The following SCUBE2 variants were observed in gnomAD, a reference collection of about 807,000 sequenced individuals.
The protein encoded by SCUBE2 is signal peptide, CUB domain and EGF like domain containing 2, also known as signal peptide, CUB and EGF-like domain-containing protein 2.
SCUBE2 carries 114 observed loss-of-function variants against 125.9 expected under a neutral mutation model. The ratio of observed to expected loss-of-function variants is 0.91; its 90% CI spans 0.78 to 1.06. The LOEUF is 1.06. Among genes scored for constraint, SCUBE2 ranks in the 50% least tolerant of loss-of-function variants. SCUBE2 has a pLI of 0.00. For missense variants in SCUBE2, 1,255 were observed against 1,301.8 expected (o/e 0.96, Z 0.55); for synonymous variants, 459 against 492.9 (o/e 0.93, Z 0.91).
intron 9 of SCUBE2, among the ~76,000 whole-genome samples, chr11:9,056,504 A>T (rs1300165826): frequency 6.6e-6 from 1 of 152,190 alleles, no homozygotes; most frequent in Non-Finnish European, 1.5e-5. Flanking sequence ...GCAGGCCCTG[A>T]AATGTGGTAG....
chr11:9,048,155 C>T (rs1857993219), intron 14 of SCUBE2, 57 bp from the exon 15 acceptor site: 2 of 1,539,648 alleles, frequency 1.3e-6, no homozygotes, highest in African/African-American at 1.4e-5. Flanking sequence ...CTCAGCTGAA[C>T]ATTTGCTAGA....
In SCUBE2 at chr11:9,025,766, A is replaced by G. The variant is rs1855684182; in HGVS notation, c.2790T>C (p.Ile930=). Residue 930 remains isoleucine (I), a synonymous_variant, in exon 21 of 23, where the codon ATT becomes ATC. Transcript: ENST00000649792. The part of the protein sequence containing the change: ...AFTSRSKKLW[I]QFKSNEGNSA... Reference sequence around the variant, plus strand: ...TGTTCCCTTCATTGGACTTGAACTGAATCCACAGCTTCTTTGACCTGGAGG... The same window carrying G: ...TGTTCCCTTCATTGGACTTGAACTGGATCCACAGCTTCTTTGACCTGGAGG... 6.2e-7 allele frequency: 1 copy of G among 1,614,062 alleles called. No individual in the cohort carries two copies. The highest frequency in any genetic ancestry group is 1.3e-5 in the African/African-American group (1 of 74,924).
intron 2 of SCUBE2, among the ~76,000 whole-genome samples, chr11:9,082,720 C>T (rs184564880): frequency 2.2e-4 from 34 of 152,306 alleles, no homozygotes; most frequent in Non-Finnish European, 3.8e-4. Context: ...GAATCCAACA[C>T]AAAAGACCGC....
intron 13 of SCUBE2, 98 bp downstream of exon 13, chr11:9,052,648 G>A: frequency 1.1e-6 from 1 of 908,872 alleles, no homozygotes; most frequent in Non-Finnish European, 1.6e-6. Flanking sequence ...GAAATTAACA[G>A]AAAAAAAACA....
intron 16 of SCUBE2, among the ~76,000 whole-genome samples, chr11:9,037,699 A>G (rs968272112): frequency 4.6e-5 from 7 of 152,350 alleles, no homozygotes; most frequent in Non-Finnish European, 1.0e-4. Flanking sequence ...CTCTCTTTAA[A>G]TGACTGCCCC....
intron 15 of SCUBE2, 22 bp from the exon 16 acceptor site, chr11:9,047,584 C>T (rs1171395247): frequency 6.2e-7 from 1 of 1,610,618 alleles, no homozygotes; most frequent in Admixed American, 1.7e-5. Context: ...AGAGGGACAG[C>T]AGTGCGGGAG....
chr11:9,077,014 C>T (rs1861266715), intron 3 of SCUBE2, among the ~76,000 whole-genome samples: 1 of 152,202 alleles, frequency 6.6e-6, no homozygotes, highest in Non-Finnish European at 1.5e-5. Flanking sequence ...TACCACACCC[C>T]CACCCCACGT....
intron 7 of SCUBE2, chr11:9,065,165 A>G (rs1049992621): frequency 2.6e-5 from 4 of 152,102 alleles, no homozygotes; most frequent in African/African-American, 9.7e-5. Context: ...CCATATTATT[A>G]TCTTAATTGA....
intron 7 of SCUBE2, 85 bp from the exon 8 acceptor site, chr11:9,060,609 G>A (rs768608504): frequency 7.4e-5 from 83 of 1,122,300 alleles, no homozygotes; most frequent in Non-Finnish European, 1.0e-4. Flanking sequence ...AAGAAGCATG[G>A]TGGGGTACTC....
chr11:9,041,179 A>G (rs758852159), intron 16 of SCUBE2, among the ~76,000 whole-genome samples: 1 of 152,246 alleles, frequency 6.6e-6, no homozygotes, highest in Non-Finnish European at 1.5e-5. Flanking sequence ...TTTGTGATGA[A>G]CATAGTGTAC....
chr11:9,027,310 G>A (rs1338346774), intron 20 of SCUBE2, 54 bp downstream of exon 20: 1 of 1,568,628 alleles, frequency 6.4e-7, no homozygotes, highest in Non-Finnish European at 8.7e-7. Flanking sequence ...CTGAGGAGCA[G>A]GTCATCAGGC....
In SCUBE2 at chr11:9,068,957, C is replaced by T. The variant is rs530938331; in HGVS notation, c.643+413G>A. The stretch of plus-strand genomic sequence containing the variant: ...GGAGGGCTTGGGAAAGGCCTGGAGG[C>T]ATCAAAGGATTTGGGCTGTTCTCCA... On this transcript the variant is annotated intron_variant, in intron 5 of 22. Transcript: ENST00000649792. 1.1e-4 allele frequency among the ~76,000 whole-genome samples: 16 copies of T among 152,300 alleles called. No individual in the cohort carries two copies. In the South Asian group the frequency reaches 3.3e-3, roughly 32 times the overall value.
At chr11:9,063,961 G>C (rs1025330010) in intron 7 of SCUBE2, among the ~76,000 whole-genome samples, 2 of 152,186 alleles carry the variant, frequency 1.3e-5, no homozygotes, top group African/African-American at 4.8e-5. Flanking sequence ...ATCATAGCAC[G>C]TTACATGACT....
Position 9,047,541 on chromosome 11 carries a change from A to T in SCUBE2, c.1817T>A (p.Ile606Asn). 2 of 1,613,856 alleles carry T rather than the reference A, an allele frequency of 1.2e-6. No homozygotes were observed. Among genetic ancestry groups the T allele is most frequent in the Non-Finnish European group, 1.7e-6 (2 of 1,179,970 alleles). Residue 606 changes from isoleucine (I) to asparagine (N), a missense_variant, in exon 16 of 23, where the codon ATC (isoleucine) becomes AAC (asparagine). Physicochemically the swap from Ile to Asn is moderately radical, Grantham distance 149. Around this residue, in one of 3 missense-constraint regions of SCUBE2, gnomAD observed 378 missense variants for 463.1 expected, o/e 0.82. Coordinates refer to ENST00000649792, the MANE Select transcript of SCUBE2 (RefSeq NM_001367977.2). ...GAGCCGCTTCTCGGTTCGCTTTACGATGCAGCTCAGGTCACAAGAAGCTAC... is the reference window on the plus strand; with the variant it reads ...GAGCCGCTTCTCGGTTCGCTTTACGTTGCAGCTCAGGTCACAAGAAGCTAC... Reference protein sequence around the residue: ...EVTASCDLSCIVKRTEKRLRK... With the variant: ...EVTASCDLSCNVKRTEKRLRK...
chr11:9,054,698 A>ACAATATATATAT (rs1564822811), intron 10 of SCUBE2, among the ~76,000 whole-genome samples: 35 of 61,218 alleles, frequency 5.7e-4, no homozygotes, highest in Non-Finnish European at 8.4e-4. Context: ...GCAAAGCACT[A>ACAATATATATAT]GTGTATATAT....
intron 3 of SCUBE2, among the ~76,000 whole-genome samples, chr11:9,077,490 C>A (rs1005533133): frequency 6.6e-6 from 1 of 152,146 alleles, no homozygotes; most frequent in Non-Finnish European, 1.5e-5. Context: ...GGTGTTTGTA[C>A]CTTGTGTCTT....
intron 3 of SCUBE2, among the ~76,000 whole-genome samples, chr11:9,077,911 C>A (rs1861329679): frequency 6.6e-6 from 1 of 152,230 alleles, no homozygotes; most frequent in Non-Finnish European, 1.5e-5. Context: ...GAGCCGCCCA[C>A]CAGCCCTGGC....
chr11:9,036,444 T>C (rs1430422581), intron 16 of SCUBE2, among the ~76,000 whole-genome samples: 1 of 152,194 alleles, frequency 6.6e-6, no homozygotes, highest in South Asian at 2.1e-4. Context: ...AGCAGGCCAG[T>C]ATATCAGAGA....
intron 13 of SCUBE2, among the ~76,000 whole-genome samples, chr11:9,051,129 C>CTAGA (rs911351138): frequency 2.0e-4 from 30 of 152,264 alleles, no homozygotes; most frequent in African/African-American, 6.7e-4. Context: ...CACCACTGCA[C>CTAGA]TCTAGCCTAG....
Sources: gnomAD v4.1 joint callset for allele counts (sites outside exome capture counted in the v4.1 genomes callset) on GRCh38, gnomAD v4.1.1 for gene constraint, gnomAD v4.1.1 regional missense constraint, MANE v1.5 for transcripts, NCBI Gene and HGNC (gene_info 2026-07-23, HGNC 2026-07-21) for gene names.